Variants in RORA observed in about 807,000 individuals in gnomAD.
RORA encodes the protein nuclear receptor ROR-alpha.
A neutral mutation model predicts 69.5 loss-of-function variants in RORA; 7 were observed. The observed-to-expected ratio is 0.10, with a 90% CI of 0.06 to 0.19. The LOEUF (loss-of-function observed/expected upper bound fraction) is 0.19. Among genes scored for constraint, RORA ranks in the 10% least tolerant of loss-of-function variants. The pLI is 1.00. For synonymous variants in RORA, 261 were observed against 240.8 expected, an observed-to-expected ratio of 1.08 and a Z score of -0.78; for missense variants, 457 against 663.0, an observed-to-expected ratio of 0.69 and a Z score of 3.41.
At chr15:60,557,135 C>T (rs1046104494) in intron 2 of RORA, among the ~76,000 whole-genome samples, 2 of 152,204 alleles carry the variant, frequency 1.3e-5, no homozygotes, top group African/African-American at 4.8e-5. Flanking sequence ...ACTTGTTCTA[C>T]TACTATTTGC....
chr15:60,714,802 G>A (rs537233361), intron 1 of RORA, among the ~76,000 whole-genome samples: 1 of 152,242 alleles, frequency 6.6e-6, no homozygotes, highest in East Asian at 1.9e-4. Flanking sequence ...TAAGAACATT[G>A]CTGCACTTGA....
intron 1 of RORA, among the ~76,000 whole-genome samples, chr15:61,075,517 A>G (rs543428651): frequency 5.3e-5 from 8 of 152,338 alleles, no homozygotes; most frequent in African/African-American, 1.9e-4. Flanking sequence ...ACCTTCAGTC[A>G]GGAATCTGTT....
Position 61,109,152 on chromosome 15 carries a change from C to T in RORA, c.166+119901G>A, listed in dbSNP as rs555322618. 1.1e-4 allele frequency among the ~76,000 whole-genome samples: 16 copies of T among 152,212 alleles called. No individual in the cohort carries two copies. The South Asian group carries it at 2.5e-3, about 24-fold the overall frequency. ...CAGAGGTTGCAGTGAGCCTAGATCG[C>T]GCCACTACACTCCAGCCTGGTGACA... On this transcript the variant is annotated intron_variant, in intron 1 of 10. Transcript: ENST00000335670.
At chr15:61,180,719 C>A (rs566734692) in intron 1 of RORA, among the ~76,000 whole-genome samples, 2 of 152,344 alleles carry the variant, frequency 1.3e-5, no homozygotes, top group South Asian at 4.1e-4. Flanking sequence ...AGACCATGAG[C>A]ACCTTGAAGG....
chr15:60,996,274 G>T (rs1181020363), intron 1 of RORA, among the ~76,000 whole-genome samples: 5 of 152,020 alleles, frequency 3.3e-5, no homozygotes, highest in Admixed American at 3.3e-4. Context: ...TTTGCACCAT[G>T]TTGGCCAGGC....
At chr15:60,993,410 C>T (rs370272016) in intron 1 of RORA, among the ~76,000 whole-genome samples, 3 of 151,940 alleles carry the variant, frequency 2.0e-5, no homozygotes, top group East Asian at 1.9e-4. Flanking sequence ...AGGCCAAGGT[C>T]GGTGGATTAC....
intron 2 of RORA, among the ~76,000 whole-genome samples, chr15:60,661,038 A>C (rs1596105228): frequency 3.3e-5 from 5 of 150,118 alleles, no homozygotes; most frequent in African/African-American, 1.2e-4. Context: ...AGTAATGTGA[A>C]TCACTCACTG....
intron 1 of RORA, among the ~76,000 whole-genome samples, chr15:61,034,756 C>A (rs1437812154): frequency 3.1e-4 from 42 of 133,966 alleles, no homozygotes; most frequent in African/African-American, 1.2e-3. Flanking sequence ...GGGCTGGGAA[C>A]CCTGGTTGAT....
chr15:60,511,812 AAC>A lies in RORA; in HGVS notation c.425-193_425-192del, dbSNP rs1171516069. 6.6e-6 allele frequency among the ~76,000 whole-genome samples: 1 copy of A among 152,144 alleles called. No homozygotes were observed. Among genetic ancestry groups the A allele is most frequent in the African/African-American group, 2.4e-5 (1 of 41,418 alleles). On this transcript the variant is annotated intron_variant, in intron 4 of 10. Transcript: ENST00000335670. This position sits in a 1 kb window ranked among gnomAD's most constrained non-coding sequence, Gnocchi z 6.4. ...GACTCGCTCCAGCTCCCCAACAGCA[AAC>A]ACACATCCCAGAGAAACTCATGTTT...
rs374606968 is a variant in RORA, at chr15:61,147,770, T to C, written c.166+81283A>G. On this transcript the variant is annotated intron_variant, in intron 1 of 10. Transcript: ENST00000335670. The surrounding 1 kb of genome is among the most constrained non-coding windows in gnomAD (Gnocchi z 4.1). Reference sequence around the variant, plus strand: ...CAGTAGGCACGTGCGCACACGCGTGTGTGTGTGTGTGTGTGTGTGTGTGTG... The same window carrying C: ...CAGTAGGCACGTGCGCACACGCGTGCGTGTGTGTGTGTGTGTGTGTGTGTG... Among the ~76,000 whole-genome samples, 19,180 of 144,030 alleles carry C rather than the reference T, an allele frequency of 0.13. 1,365 individuals carry two copies. Among genetic ancestry groups the C allele is most frequent in the Non-Finnish European group, 0.17 (11,214 of 66,780 alleles). The allele number at this position is 144,030 out of a possible 152,430, so 94.5% of individuals were successfully genotyped here.
intron 1 of RORA, among the ~76,000 whole-genome samples, chr15:60,803,079 TA>T (rs1330159612): frequency 6.6e-6 from 1 of 152,238 alleles, no homozygotes; most frequent in Non-Finnish European, 1.5e-5. Flanking sequence ...TTTAAATGGT[TA>T]CATTTAAATA....
chr15:61,023,049 G>A (rs12438732), intron 1 of RORA, among the ~76,000 whole-genome samples: 88,958 of 151,442 alleles, frequency 0.59, 28,270 homozygotes, highest in Non-Finnish European at 0.72. Flanking sequence ...TTAGCTGGGC[G>A]TGGTGGCGGG....
chr15:61,074,372 C>G (rs2078415789), intron 1 of RORA, among the ~76,000 whole-genome samples: 1 of 152,190 alleles, frequency 6.6e-6, no homozygotes, highest in South Asian at 2.1e-4. Context: ...AACATACAAG[C>G]ACCTACTCTG....
intron 2 of RORA, among the ~76,000 whole-genome samples, chr15:60,554,485 G>A (rs1304920395): frequency 6.6e-6 from 1 of 152,056 alleles, no homozygotes; most frequent in Non-Finnish European, 1.5e-5. Flanking sequence ...AATAACCAAG[G>A]CACCATTTAA....
chr15:60,538,278 C>T (rs536516829), intron 2 of RORA, among the ~76,000 whole-genome samples: 115 of 152,314 alleles, frequency 7.6e-4, no homozygotes, highest in African/African-American at 2.0e-3. Context: ...AGGTCTCCCT[C>T]TGAGACTGAA....
At chr15:61,215,736 C>A (rs2080035151) in intron 1 of RORA, among the ~76,000 whole-genome samples, 1 of 152,186 alleles carries the variant, frequency 6.6e-6, no homozygotes, top group African/African-American at 2.4e-5. Context: ...TATTTTTGTT[C>A]ACTGACTGTT....
At chr15:60,711,971 A>G (rs1168452986) in intron 1 of RORA, among the ~76,000 whole-genome samples, 1 of 151,544 alleles carries the variant, frequency 6.6e-6, no homozygotes, top group Non-Finnish European at 1.5e-5. Context: ...TTTCTGCAAC[A>G]GTATAATAAA....
intron 1 of RORA, among the ~76,000 whole-genome samples, chr15:61,195,538 T>C (rs1218582714): frequency 2.0e-5 from 3 of 152,168 alleles, no homozygotes; most frequent in Admixed American, 1.3e-4. Flanking sequence ...CATATTCTCA[T>C]TGTTTTCCAC....
intron 1 of RORA, among the ~76,000 whole-genome samples, chr15:61,191,365 CA>C (rs55815707): frequency 0.94 from 128,891 of 136,736 alleles, 60,787 homozygotes; most frequent in East Asian, 0.99. Flanking sequence ...CTCCTTGTAG[CA>C]AAAAAAAAAA....
Sources: gnomAD v4.1 joint callset for allele counts (sites outside exome capture counted in the v4.1 genomes callset) on GRCh38, gnomAD v4.1.1 for gene constraint, Gnocchi (gnomAD v3.1) non-coding constraint, MANE v1.5 for transcripts, NCBI Gene and HGNC (gene_info 2026-07-23, HGNC 2026-07-21) for gene names.